The following RAPGEF6 variants were observed in gnomAD, a reference collection of about 807,000 sequenced individuals.
RAPGEF6 encodes Rap guanine nucleotide exchange factor 6, also known as PDZ domain containing guanine nucleotide exchange factor (GEF) 2.
A neutral mutation model predicts 171.4 loss-of-function variants in RAPGEF6; 56 were observed. The ratio of observed to expected loss-of-function variants is 0.33; its 90% confidence interval spans 0.26 to 0.41. RAPGEF6 has a LOEUF of 0.41. RAPGEF6 is among the 10% of genes least tolerant of loss of function. The probability of loss-of-function intolerance (pLI) is 1.00; values close to 1 mark genes in which losing one functional copy is unlikely to be tolerated. For missense variants in RAPGEF6, 1,674 were observed against 1,921.4 expected, an observed-to-expected ratio of 0.87 and a Z score of 2.41; for synonymous variants, 692 against 650.1, an observed-to-expected ratio of 1.06 and a Z score of -0.98.
intron 4 of RAPGEF6, among the ~76,000 whole-genome samples, chr5:131,578,061 T>A (rs1007488180): frequency 6.6e-6 from 1 of 152,212 alleles, no homozygotes; most frequent in Non-Finnish European, 1.5e-5. Flanking sequence ...ACACTTTTCC[T>A]CCGAACCATC....
Position 131,473,190 on chromosome 5 carries a change from C to G in RAPGEF6, c.2082-446G>C, listed in dbSNP as rs563754844. Among the ~76,000 whole-genome samples the G allele has an allele frequency of 1.3e-3, 191 of 152,104 alleles. 2 individuals carry two copies. Among genetic ancestry groups the G allele is most frequent in the Non-Finnish European group, 2.0e-3 (134 of 67,982 alleles). The stretch of plus-strand genomic sequence containing the variant: ...TAGGAAAAAGAGTCTACATTCAAAC[C>G]AAAAACTATGGCAGGTAATAGATAA... On this transcript the variant is annotated intron_variant, in intron 16 of 27. Transcript: ENST00000509018.
intron 21 of RAPGEF6, 21 bp from the exon 22 acceptor site, chr5:131,446,724 C>T (rs376259995): frequency 2.5e-6 from 4 of 1,589,108 alleles, no homozygotes; most frequent in Non-Finnish European, 3.5e-6. Context: ...ATGAAAATCA[C>T]AATAAGGGGC....
chr5:131,499,758 C>T (rs186236949), intron 11 of RAPGEF6, among the ~76,000 whole-genome samples: 1 of 152,140 alleles, frequency 6.6e-6, no homozygotes, highest in African/African-American at 2.4e-5. Context: ...TAACACCCAA[C>T]CTTCAATTTG....
At chr5:131,510,702 A>G (rs1757662438) in intron 7 of RAPGEF6, among the ~76,000 whole-genome samples, 1 of 152,226 alleles carries the variant, frequency 6.6e-6, no homozygotes, top group Non-Finnish European at 1.5e-5. Flanking sequence ...TGTGACAACT[A>G]GGTGATAAAT....
intron 6 of RAPGEF6, among the ~76,000 whole-genome samples, chr5:131,523,633 A>C (rs1302896349): frequency 6.6e-6 from 1 of 152,112 alleles, no homozygotes; most frequent in Non-Finnish European, 1.5e-5. Context: ...AGAAGGGGTA[A>C]GAGCCACAGG....
intron 20 of RAPGEF6, among the ~76,000 whole-genome samples, chr5:131,454,409 A>G (rs1189689847): frequency 1.3e-5 from 2 of 152,194 alleles, no homozygotes; most frequent in African/African-American, 4.8e-5. Context: ...AGAAAACATA[A>G]CATGACAGAA....
intron 6 of RAPGEF6, among the ~76,000 whole-genome samples, chr5:131,544,488 C>T (rs1760375452): frequency 6.6e-6 from 1 of 151,974 alleles, no homozygotes; most frequent in Non-Finnish European, 1.5e-5. Context: ...ACATAAAATT[C>T]TAGAAACTAA....
At chr5:131,470,387 T>C (rs913709963) in intron 17 of RAPGEF6, among the ~76,000 whole-genome samples, 2 of 152,212 alleles carry the variant, frequency 1.3e-5, no homozygotes, top group Admixed American at 1.3e-4. Context: ...CATGGGGACT[T>C]AGTTTCTAAA....
At chr5:131,578,516 A>G (rs1762735612) in intron 4 of RAPGEF6, among the ~76,000 whole-genome samples, 1 of 152,128 alleles carries the variant, frequency 6.6e-6, no homozygotes. Context: ...TCACACCAAC[A>G]AGCTGCCACA....
intron 17 of RAPGEF6, among the ~76,000 whole-genome samples, chr5:131,466,026 G>C (rs1754312220): frequency 6.9e-6 from 1 of 144,064 alleles, no homozygotes; most frequent in Admixed American, 7.2e-5. Flanking sequence ...GGGAGAAATG[G>C]AACAGATACA....
intron 4 of RAPGEF6, among the ~76,000 whole-genome samples, chr5:131,584,904 T>C (rs539598291): frequency 1.3e-5 from 2 of 152,340 alleles, no homozygotes; most frequent in South Asian, 4.1e-4. Context: ...TCTCAGTGAA[T>C]TGGTTTTGTC....
At chr5:131,519,736 GA>G (rs1758351569) in intron 7 of RAPGEF6, among the ~76,000 whole-genome samples, 1 of 152,198 alleles carries the variant, frequency 6.6e-6, no homozygotes, top group South Asian at 2.1e-4. Context: ...TGTCCTGAGA[GA>G]AATCTACAGC....
At chr5:131,545,496 TA>T (rs1760462293) in intron 6 of RAPGEF6, among the ~76,000 whole-genome samples, 1 of 151,988 alleles carries the variant, frequency 6.6e-6, no homozygotes, top group South Asian at 2.1e-4. Flanking sequence ...TTGCTGACAA[TA>T]GAACAAAAGA....
intron 6 of RAPGEF6, among the ~76,000 whole-genome samples, chr5:131,528,308 T>TTA (rs1554079137): frequency 0.72 from 74,727 of 104,322 alleles, 26,665 homozygotes; most frequent in Non-Finnish European, 0.78. Context: ...AATAATATAT[T>TTA]TATATTATAT....
chr5:131,590,837 G>C (rs1395406565), intron 4 of RAPGEF6, among the ~76,000 whole-genome samples: 1 of 152,154 alleles, frequency 6.6e-6, no homozygotes, highest in Non-Finnish European at 1.5e-5. Flanking sequence ...ATTCAGAACA[G>C]CAGGAGTGTT....
At chr5:131,517,160 G>T (rs1280611657) in intron 7 of RAPGEF6, among the ~76,000 whole-genome samples, 1 of 152,042 alleles carries the variant, frequency 6.6e-6, no homozygotes, top group African/African-American at 2.4e-5. Context: ...CACCGAATGG[G>T]TATTATGCTC....
Position 131,504,461 on chromosome 5 carries a change from C to CA in RAPGEF6, c.1254+164dup, listed in dbSNP as rs577424552. Among the ~76,000 whole-genome samples, 776 of 113,590 alleles carry CA rather than the reference C, an allele frequency of 6.8e-3. 3 individuals are homozygous for CA. The highest frequency in any genetic ancestry group is 0.016 in the African/African-American group (498 of 30,394). The allele number at this position is 113,590 out of a possible 152,430, so 74.5% of individuals were successfully genotyped here. On this transcript the variant is annotated intron_variant, in intron 11 of 27. Coordinates refer to ENST00000509018, the MANE Select transcript of RAPGEF6 (RefSeq NM_016340.6). ...TGGGCAACAGAGTGAGACTCCATCACAAAAAAAAAAAAAATTTTAGAGAAA... is the reference window on the plus strand; with the variant it reads ...TGGGCAACAGAGTGAGACTCCATCACAAAAAAAAAAAAAAATTTTAGAGAAA...
At chr5:131,597,030 T>C (rs983731557) in intron 3 of RAPGEF6, among the ~76,000 whole-genome samples, 5 of 151,268 alleles carry the variant, frequency 3.3e-5, no homozygotes, top group African/African-American at 4.9e-5. Context: ...AAAAACTTAA[T>C]AGCAAAAAAA....
At chr5:131,561,757 G>T (rs1055978181) in intron 5 of RAPGEF6, among the ~76,000 whole-genome samples, 15 of 151,244 alleles carry the variant, frequency 9.9e-5, no homozygotes, top group African/African-American at 3.6e-4. Context: ...TACCAAATCT[G>T]CAAATTATAT....
Sources: gnomAD v4.1 joint callset for allele counts (sites outside exome capture counted in the v4.1 genomes callset) on GRCh38, gnomAD v4.1.1 for gene constraint, MANE v1.5 for transcripts, NCBI Gene and HGNC (gene_info 2026-07-23, HGNC 2026-07-21) for gene names.